The following LRP12 variants were observed in gnomAD, a reference collection of about 807,000 sequenced individuals.
The protein encoded by LRP12 is LDL receptor related protein 12.
LRP12 carries 14 observed loss-of-function variants against 66.0 expected under a neutral mutation model. The ratio of observed to expected loss-of-function variants is 0.21; its 90% CI spans 0.14 to 0.33. The LOEUF is 0.33. Among genes scored for constraint, LRP12 ranks in the 10% least tolerant of loss-of-function variants. The pLI, the probability that LRP12 is intolerant of heterozygous loss-of-function variation, is 1.00. For synonymous variants in LRP12, 357 were observed against 359.1 expected (o/e 0.99, Z 0.07); for missense variants, 889 against 1,053.4 (o/e 0.84, Z 2.16).
chr8:104,543,431 T>C (rs1811508748), intron 1 of LRP12, among the ~76,000 whole-genome samples: 1 of 152,168 alleles, frequency 6.6e-6, no homozygotes, highest in Admixed American at 6.5e-5. Flanking sequence ...GAACTGTGCC[T>C]ATAAAAGAGG....
At chr8:104,509,818 C>A (rs1300503934) in intron 2 of LRP12, among the ~76,000 whole-genome samples, 1 of 152,146 alleles carries the variant, frequency 6.6e-6, no homozygotes, top group African/African-American at 2.4e-5. Flanking sequence ...ATACCTCAAA[C>A]TGCAAAAGTT....
At chr8:104,585,854 T>C (rs569317542) in intron 1 of LRP12, among the ~76,000 whole-genome samples, 2 of 152,238 alleles carry the variant, frequency 1.3e-5, no homozygotes, top group African/African-American at 4.8e-5. Flanking sequence ...CAAATTGTGG[T>C]TTAGGAGGTG....
chr8:104,555,324 C>T (rs373052610), intron 1 of LRP12, among the ~76,000 whole-genome samples: 2 of 152,044 alleles, frequency 1.3e-5, no homozygotes, highest in Non-Finnish European at 2.9e-5. Flanking sequence ...CATTTCAATA[C>T]CAACATCGAA....
Position 104,518,033 on chromosome 8 carries a change from T to C in LRP12, c.137-8959A>G, listed in dbSNP as rs528036757. Among the ~76,000 whole-genome samples the C allele has an allele frequency of 4.6e-5, 7 of 152,212 alleles. No homozygotes were observed. The East Asian group carries it at 9.6e-4, about 21-fold the overall frequency. On this transcript the variant is annotated intron_variant, in intron 2 of 6. Coordinates refer to ENST00000276654, the MANE Select transcript of LRP12 (RefSeq NM_013437.5). ...TTAGATGATTAGCATAAAAATCAGG[T>C]ACCTCCTGGCCTACTGTTAATTTAG...
intron 1 of LRP12, among the ~76,000 whole-genome samples, chr8:104,559,344 T>C (rs1811866241): frequency 6.6e-6 from 1 of 152,142 alleles, no homozygotes; most frequent in Non-Finnish European, 1.5e-5. Flanking sequence ...CTATGTGAAG[T>C]AACTCAGGAA....
chr8:104,573,712 A>G (rs1163128654), intron 1 of LRP12, among the ~76,000 whole-genome samples: 1 of 152,014 alleles, frequency 6.6e-6, no homozygotes, highest in Non-Finnish European at 1.5e-5. Flanking sequence ...CTGGAACACT[A>G]GAATCTTTTA....
intron 4 of LRP12, among the ~76,000 whole-genome samples, 192 bp from the exon 5 acceptor site, chr8:104,498,268 T>G (rs980905623): frequency 2.6e-5 from 4 of 152,184 alleles, no homozygotes; most frequent in African/African-American, 9.7e-5. Context: ...ATGTGCAGGT[T>G]TGTTACATGA....
rs181505530 is a variant in LRP12, at chr8:104,511,802, T to G, written c.137-2728A>C. 7.7e-4 allele frequency among the ~76,000 whole-genome samples: 117 copies of G among 152,308 alleles called. 2 individuals are homozygous for G. The South Asian group carries it at 0.013, about 17-fold the overall frequency. ...TTAGGGTGCACTGCCAAAGGGCATC[T>G]GTTTTGAATCGCTTTCAGAACAGAT... On this transcript the variant is annotated intron_variant, in intron 2 of 6. Coordinates refer to ENST00000276654, the MANE Select transcript of LRP12 (RefSeq NM_013437.5).
At chr8:104,542,839 G>A (rs1026257356) in intron 1 of LRP12, among the ~76,000 whole-genome samples, 1 of 152,120 alleles carries the variant, frequency 6.6e-6, no homozygotes, top group Middle Eastern at 3.4e-3. Context: ...TCATTAAGTG[G>A]AAGTGAATTA....
chr8:104,552,497 C>T (rs190164313), intron 1 of LRP12, among the ~76,000 whole-genome samples: 30 of 151,838 alleles, frequency 2.0e-4, no homozygotes, highest in Non-Finnish European at 3.4e-4. Context: ...TGGGGAAACC[C>T]CTTCTCTACT....
chr8:104,502,639 G>A (rs938589430), intron 3 of LRP12, among the ~76,000 whole-genome samples: 26 of 152,250 alleles, frequency 1.7e-4, no homozygotes, highest in African/African-American at 6.0e-4. Context: ...ACGAAGTGTG[G>A]TTCCTTCTTT....
Position 104,491,065 on chromosome 8 carries a change from G to A in LRP12, c.2188C>T (p.Leu730Phe). The part of the protein sequence containing the change: ...SPARHQLTSA[L>F]SRMTQGLRWV... The stretch of plus-strand genomic sequence containing the variant: ...CGTAGCCCCTGAGTCATACGACTGA[G>A]TGCACTTGTAAGCTGGTGACGTGCT... Residue 730 changes from leucine to phenylalanine, a missense_variant, in exon 7 of 7, where the codon CTC becomes TTC. Physicochemically the swap from Leu to Phe is conservative, Grantham distance 22. Transcript: ENST00000276654. 6.2e-7 allele frequency: 1 copy of A among 1,614,160 alleles called. No homozygotes were observed. Among genetic ancestry groups the A allele is most frequent in the African/African-American group, 1.3e-5 (1 of 75,044 alleles).
In LRP12 at chr8:104,576,039, G is replaced by A. The variant is rs541036464; in HGVS notation, c.79+12780C>T. Among the ~76,000 whole-genome samples the A allele has an allele frequency of 2.6e-5, 4 of 152,152 alleles. No individual in the cohort carries two copies. In the South Asian group the frequency reaches 6.2e-4, roughly 24 times the overall value. ...AGAATCTCAGAGCTTGAAGACTGGC[G>A]TTCTGAAACAAGATAGTCAGACAAG... is the stretch of plus-strand genomic sequence containing the variant. On this transcript the variant is annotated intron_variant, in intron 1 of 6. Transcript: ENST00000276654.
rs564367323 is a variant in LRP12 at position 104,552,507 on chromosome 8, T to C, written c.80-20544A>G. On this transcript the variant is annotated intron_variant, in intron 1 of 6. Coordinates refer to ENST00000276654, the MANE Select transcript of LRP12 (RefSeq NM_013437.5). ...CAACATGGGGAAACCCCTTCTCTAC[T>C]AAAAATACAATTTTTTTTTTCTCTC... Among the ~76,000 whole-genome samples the C allele has an allele frequency of 1.4e-4, 22 of 151,806 alleles. No homozygotes were observed. In the South Asian group the frequency reaches 4.6e-3, roughly 32 times the overall value.
chr8:104,555,917 C>T (rs922160890), intron 1 of LRP12, among the ~76,000 whole-genome samples: 5 of 152,072 alleles, frequency 3.3e-5, no homozygotes, highest in Non-Finnish European at 7.4e-5. Flanking sequence ...AGGCCACAAA[C>T]GAGTCTCAAT....
In LRP12 at chr8:104,521,620, T is replaced by C. The variant is rs1811152818; in HGVS notation, c.136+10287A>G. ...TCCTATAGTAATGTTTTTATATATA[T>C]ATATATCAAGAATTTACTCTGTCTC... On this transcript the variant is annotated intron_variant, in intron 2 of 6. Coordinates refer to ENST00000276654, the MANE Select transcript of LRP12 (RefSeq NM_013437.5). 2.0e-5 allele frequency among the ~76,000 whole-genome samples: 3 copies of C among 151,498 alleles called. No homozygotes were observed. In the South Asian group the frequency reaches 6.2e-4, roughly 31 times the overall value.
At chr8:104,504,132 C>T (rs946919400) in intron 3 of LRP12, 1 of 151,980 alleles carries the variant, frequency 6.6e-6, no homozygotes, top group Non-Finnish European at 1.5e-5. Flanking sequence ...AAAAAATAAT[C>T]CAATTCATCT....
At position 104,497,499 on chromosome 8, in the gene LRP12, C is replaced by A. The variant is rs755390911; in HGVS notation, c.1053G>T (p.Arg351Ser). 6 of 1,613,906 alleles carry A rather than the reference C, an allele frequency of 3.7e-6. No individual in the cohort carries two copies. The highest frequency in any genetic ancestry group is 5.1e-6 in the Non-Finnish European group (6 of 1,180,000). ...TCACTTTATCAGCACAAAAATGTAC[C>A]CTTATCTGTCCAGAAGAAGAAACAA... is the stretch of plus-strand genomic sequence containing the variant. The part of the protein sequence containing the change: ...LTVVSSSGQI[R>S]VHFCADKVNA... Residue 351 changes from arginine (R) to serine (S), a missense_variant, in exon 5 of 7, where the codon AGG becomes AGT. Coordinates refer to ENST00000276654, the MANE Select transcript of LRP12 (RefSeq NM_013437.5). This position sits in a 1 kb window ranked among gnomAD's most constrained non-coding sequence, Gnocchi z 4.3.
In LRP12 at chr8:104,548,359, TA is replaced by T. The variant is rs1483172966; in HGVS notation, c.80-16397del. On this transcript the variant is annotated intron_variant, in intron 1 of 6. Coordinates refer to ENST00000276654, the MANE Select transcript of LRP12 (RefSeq NM_013437.5). ...TATAAATATATAAATATATAATATA[TA>T]TTATATAAATATATTATATAAATAT... 1.8e-3 allele frequency among the ~76,000 whole-genome samples: 88 copies of T among 48,642 alleles called. 2 individuals carry two copies. The highest frequency in any genetic ancestry group is 0.013 in the African/African-American group (72 of 5,376). 31.9% of individuals were successfully genotyped at this position (48,642 alleles called of 152,430 possible). A position where few individuals can be genotyped will look rare whatever the true frequency, so the allele number is the denominator to read the frequency against.
Sources: gnomAD v4.1 joint callset for allele counts (sites outside exome capture counted in the v4.1 genomes callset) on GRCh38, gnomAD v4.1.1 for gene constraint, Gnocchi (gnomAD v3.1) non-coding constraint, MANE v1.5 for transcripts, NCBI Gene and HGNC (gene_info 2026-07-23, HGNC 2026-07-21) for gene names.